Variants in ETAA1 observed in about 807,000 individuals in gnomAD.
ETAA1 encodes ewing's tumor-associated antigen 1.
ETAA1 carries 49 observed loss-of-function variants against 76.8 expected under a neutral mutation model. The observed-to-expected ratio is 0.64, with a 90% confidence interval of 0.51 to 0.81. The LOEUF (loss-of-function observed/expected upper bound fraction) is 0.81, where lower values mean the gene tolerates loss of function less well. ETAA1 is among the 30% of genes least tolerant of loss of function. ETAA1 has a pLI of 0.00. For missense variants in ETAA1, 1,099 were observed against 1,074.0 expected, an observed-to-expected ratio of 1.02 and a Z score of -0.32; for synonymous variants, 373 against 372.2, an observed-to-expected ratio of 1.00 and a Z score of -0.03.
chr2:67,411,743 C>G lies in ETAA1; in HGVS notation c.*1705C>G, dbSNP rs1400789202. ...TCTACAGTGGAGTACTGGAGTTTAGCTAACCTATATTATTTTTCCAGGAAT... is the reference window on the plus strand; with the variant it reads ...TCTACAGTGGAGTACTGGAGTTTAGGTAACCTATATTATTTTTCCAGGAAT... On this transcript the variant is annotated 3_prime_UTR_variant, in exon 6 of 6. Coordinates refer to ENST00000272342, the MANE Select transcript of ETAA1 (RefSeq NM_019002.4). The G allele has an allele frequency of 3.9e-5, 6 of 152,012 alleles. No individual in the cohort carries two copies. The highest frequency in any genetic ancestry group is 8.8e-5 in the Non-Finnish European group (6 of 67,964). The allele number at this position is 152,012 out of a possible 1,614,324, so 9.4% of individuals were successfully genotyped here.
rs747673578 is a variant in ETAA1, at chr2:67,404,543, A to C, written c.1861A>C (p.Thr621Pro). ...YQACDDIERLTQQQDIRKDSK... is the reference protein window; with the variant it reads ...YQACDDIERLPQQQDIRKDSK... The stretch of plus-strand genomic sequence containing the variant: ...AGCATGTGATGATATTGAAAGACTA[A>C]CTCAGCAACAAGACATTAGAAAGGA... The change falls in exon 5 of 6, where the codon ACT (threonine) becomes CCT (proline). Residue 621 changes from threonine (T) to proline (P), a missense_variant. Coordinates refer to ENST00000272342, the MANE Select transcript of ETAA1 (RefSeq NM_019002.4). The C allele has an allele frequency of 6.2e-7, 1 of 1,613,488 alleles. No individual in the cohort carries two copies. Among genetic ancestry groups the C allele is most frequent in the Non-Finnish European group, 8.5e-7 (1 of 1,179,576 alleles).
At chr2:67,402,484 A>G (rs1170652136) in intron 3 of ETAA1, 1 of 152,110 alleles carries the variant, frequency 6.6e-6, no homozygotes, top group African/African-American at 2.4e-5. Context: ...TCTGCCACAC[A>G]GTTTCTGACA....
rs368881748 is a variant in ETAA1, at chr2:67,403,873, C to T, written c.1191C>T (p.Ile397=). The T allele has an allele frequency of 3.1e-6, 5 of 1,612,920 alleles. No individual in the cohort carries two copies. The highest frequency in any genetic ancestry group is 1.3e-5 in the African/African-American group (1 of 74,866). The change falls in exon 5 of 6, where the codon ATC becomes ATT. Residue 397 remains isoleucine, a synonymous_variant. Transcript: ENST00000272342. ...GTGAACCTTTTGCTATGCAAAATAT[C>T]GACATGCCTGAACTCTTTCCTTCTA... ...LGSEPFAMQN[I]DMPELFPSKT... is the part of the protein sequence containing the mutation.
In ETAA1 at chr2:67,404,402, G is replaced by T. The variant is rs1676144352; in HGVS notation, c.1720G>T (p.Gly574Cys). 1 of 1,613,226 alleles carries T rather than the reference G, an allele frequency of 6.2e-7. No homozygotes were observed. ...AAATCAGACTAGTGCATCAAAAGTA[G>T]GTTCTTTCTTTGATGATTGGAATGA... is the stretch of plus-strand genomic sequence containing the variant. ...NPNQTSASKVGSFFDDWNDPS... is the reference protein window; with the variant it reads ...NPNQTSASKVCSFFDDWNDPS... Residue 574 changes from glycine to cysteine, a missense_variant, in exon 5 of 6, where the codon GGT becomes TGT. Physicochemically the swap from Gly to Cys is radical, Grantham distance 159. Coordinates refer to ENST00000272342, the MANE Select transcript of ETAA1 (RefSeq NM_019002.4).
At position 67,410,129 on chromosome 2, in the gene ETAA1, G is replaced by C; in HGVS notation, c.*91G>C. On this transcript the variant is annotated 3_prime_UTR_variant, in exon 6 of 6. Transcript: ENST00000272342. ...TTTTCTTGATTTCTCTGTGAGAAATGTAATGCTGACTTTTATAAAGCCTGG... is the reference window on the plus strand; with the variant it reads ...TTTTCTTGATTTCTCTGTGAGAAATCTAATGCTGACTTTTATAAAGCCTGG... The C allele has an allele frequency of 1.4e-5, 16 of 1,175,180 alleles. No individual in the cohort carries two copies. The highest frequency in any genetic ancestry group is 1.9e-5 in the Non-Finnish European group (16 of 821,844). 72.8% of individuals were successfully genotyped at this position (1,175,180 alleles called of 1,614,324 possible).
In ETAA1 at chr2:67,397,334, C is replaced by G. The variant is rs758254085; in HGVS notation, c.-115C>G. ...GCGGCCGCCTCTTGCGCGCGCCCCA[C>G]CGACCAAAATGGCGGCTGCCGTTGG... On this transcript the variant is annotated 5_prime_UTR_variant, in exon 1 of 6. Coordinates refer to ENST00000272342, the MANE Select transcript of ETAA1 (RefSeq NM_019002.4). The G allele has an allele frequency of 1.7e-6, 2 of 1,167,330 alleles. No homozygotes were observed. Among genetic ancestry groups the G allele is most frequent in the Non-Finnish European group, 2.5e-6 (2 of 799,990 alleles). The allele number at this position is 1,167,330 out of a possible 1,614,324, so 72.3% of individuals were successfully genotyped here. A position where few individuals can be genotyped will look rare whatever the true frequency, so the allele number is the denominator to read the frequency against.
chr2:67,410,151 C>T lies in ETAA1; in HGVS notation c.*113C>T. 1 of 929,458 alleles carries T rather than the reference C, an allele frequency of 1.1e-6. No homozygotes were observed. The highest frequency in any genetic ancestry group is 1.7e-6 in the Non-Finnish European group (1 of 602,114). The allele number at this position is 929,458 out of a possible 1,614,324, so 57.6% of individuals were successfully genotyped here. ...AATGTAATGCTGACTTTTATAAAGC[C>T]TGGACTTCTACTTTATTTAATAAAT... On this transcript the variant is annotated 3_prime_UTR_variant, in exon 6 of 6. Coordinates refer to ENST00000272342, the MANE Select transcript of ETAA1 (RefSeq NM_019002.4).
Position 67,397,514 on chromosome 2 carries a change from G to A in ETAA1, c.66G>A (p.Ala22=). 1 of 1,599,428 alleles carries A rather than the reference G, an allele frequency of 6.3e-7. No homozygotes were observed. Among genetic ancestry groups the A allele is most frequent in the South Asian group, 1.1e-5 (1 of 89,008 alleles). ...AGAAAACGCCGCACAAAACAGTGGC[G>A]GCGGAGGAATGCGGCTCGGTGGTCG... ...SPKKTPHKTV[A]AEECGSVVEP... The change falls in exon 1 of 6, where the codon GCG becomes GCA. Residue 22 remains alanine (A), a synonymous_variant. Transcript: ENST00000272342.
At position 67,404,544 on chromosome 2, in the gene ETAA1, C is replaced by T; in HGVS notation, c.1862C>T (p.Thr621Ile). Residue 621 changes from threonine (T) to isoleucine (I), a missense_variant, in exon 5 of 6, where the codon ACT becomes ATT. This residue lies in a region of ETAA1 where 761 missense variants were observed against 731.9 expected (regional missense o/e 1.04). Transcript: ENST00000272342. ...GCATGTGATGATATTGAAAGACTAA[C>T]TCAGCAACAAGACATTAGAAAGGAC... Reference protein sequence around the residue: ...YQACDDIERLTQQQDIRKDSK... With the variant: ...YQACDDIERLIQQQDIRKDSK... 6.2e-7 allele frequency: 1 copy of T among 1,613,406 alleles called. No individual in the cohort carries two copies. Among genetic ancestry groups the T allele is most frequent in the Non-Finnish European group, 8.5e-7 (1 of 1,179,562 alleles).
chr2:67,403,507 C>G lies in ETAA1; in HGVS notation c.825C>G (p.Asp275Glu). Residue 275 changes from aspartate (D) to glutamate (E), a missense_variant, in exon 5 of 6, where the codon GAC (aspartate) becomes GAG (glutamate). Physicochemically the swap from Asp to Glu is conservative, Grantham distance 45 (BLOSUM62 2). This residue lies in a region of ETAA1 where 761 missense variants were observed against 731.9 expected (regional missense o/e 1.04). Transcript: ENST00000272342. ...NNQNSSQKPF[D>E]QIAEAAFNAI... ...AAAATAGCAGTCAGAAGCCATTTGA[C>G]CAAATTGCTGAAGCAGCCTTTAATG... The G allele has an allele frequency of 6.2e-7, 1 of 1,613,498 alleles. No individual in the cohort carries two copies. Among genetic ancestry groups the G allele is most frequent in the Non-Finnish European group, 8.5e-7 (1 of 1,179,506 alleles).
At position 67,404,245 on chromosome 2, in the gene ETAA1, G is replaced by T. The variant is rs1462278984; in HGVS notation, c.1563G>T (p.Lys521Asn). 1.9e-6 allele frequency: 3 copies of T among 1,612,374 alleles called. No homozygotes were observed. Among genetic ancestry groups the T allele is most frequent in the Non-Finnish European group, 2.5e-6 (3 of 1,179,200 alleles). Residue 521 changes from lysine (K) to asparagine (N), a missense_variant, in exon 5 of 6, where the codon AAG (lysine) becomes AAT (asparagine). By Grantham distance (94) the Lys-to-Asn change is moderately conservative (BLOSUM62 0). Coordinates refer to ENST00000272342, the MANE Select transcript of ETAA1 (RefSeq NM_019002.4). ...ACTCTACTGAAGCTTCTGAAAGGAA[G>T]TCAGCTTTGAACACAAGGTATTCTA... ...LTNSTEASER[K>N]SALNTRYSNE...
chr2:67,402,787 T>C, intron 3 of ETAA1, 75 bp from the exon 4 acceptor site: 1 of 972,670 alleles, frequency 1.0e-6, no homozygotes, highest in Non-Finnish European at 1.5e-6. Flanking sequence ...GTCTTTTTTC[T>C]TTCTTTTGTT....
At position 67,402,061 on chromosome 2, in the gene ETAA1, T is replaced by G. The variant is rs186308468; in HGVS notation, c.430-801T>G. On this transcript the variant is annotated intron_variant, in intron 3 of 5. Transcript: ENST00000272342. ...TATTTTTTAAATTGTGTGATATTTA[T>G]GTTCATTCTAGGTACTATAAAATAG... is the stretch of plus-strand genomic sequence containing the variant. The G allele has an allele frequency of 8.6e-5, 13 of 151,994 alleles. No homozygotes were observed. The East Asian group carries it at 2.1e-3, about 25-fold the overall frequency. 9.4% of individuals were successfully genotyped at this position (151,994 alleles called of 1,614,324 possible). A position where few individuals can be genotyped will look rare whatever the true frequency, so the allele number is the denominator to read the frequency against.
intron 2 of ETAA1, 24 bp downstream of exon 2, chr2:67,399,321 A>G: frequency 6.4e-7 from 1 of 1,574,314 alleles, no homozygotes; most frequent in Non-Finnish European, 8.7e-7. Context: ...AACATTTTTT[A>G]TGTGAGTAAA....
Position 67,409,954 on chromosome 2 carries a change from G to A in ETAA1, c.2697G>A (p.Gln899=), listed in dbSNP as rs1181745838. ...KNRKCSPEEI[Q]RKRQEALVRR... ...GAAAGTGTTCTCCTGAAGAAATTCAGAGAAAAAGACAAGAAGCACTGGTTC... is the reference window on the plus strand; with the variant it reads ...GAAAGTGTTCTCCTGAAGAAATTCAAAGAAAAAGACAAGAAGCACTGGTTC... The change falls in exon 6 of 6, where the codon CAG becomes CAA. Residue 899 remains glutamine, a synonymous_variant. Coordinates refer to ENST00000272342, the MANE Select transcript of ETAA1 (RefSeq NM_019002.4). The A allele has an allele frequency of 8.1e-6, 13 of 1,607,530 alleles. No homozygotes were observed. The highest frequency in any genetic ancestry group is 1.1e-5 in the Non-Finnish European group (13 of 1,177,658).
intron 5 of ETAA1, among the ~76,000 whole-genome samples, chr2:67,405,543 T>G (rs1170610391): frequency 6.6e-6 from 1 of 152,030 alleles, no homozygotes; most frequent in Non-Finnish European, 1.5e-5. Context: ...TTCAAAATAT[T>G]ACATTGAATT....
chr2:67,406,339 T>C (rs996134002), intron 5 of ETAA1, among the ~76,000 whole-genome samples: 5 of 152,162 alleles, frequency 3.3e-5, no homozygotes, highest in Non-Finnish European at 7.4e-5. Context: ...CCCACTCTTT[T>C]GTTGGTGCTT....
Position 67,404,751 on chromosome 2 carries a change from T to A in ETAA1, c.2069T>A (p.Val690Glu). Residue 690 changes from valine (V) to glutamate (E), a missense_variant, in exon 5 of 6, where the codon GTA becomes GAA. Around this residue, in one of 3 missense-constraint regions of ETAA1, gnomAD observed 302 missense variants for 278.1 expected, o/e 1.09. Transcript: ENST00000272342. ...ATATCTAAACAAGGAAGTAATTTGGTACAATCAAAGCATTTGAATCCAGGC... is the reference window on the plus strand; with the variant it reads ...ATATCTAAACAAGGAAGTAATTTGGAACAATCAAAGCATTTGAATCCAGGC... ...FAISKQGSNL[V>E]QSKHLNPGSI... The A allele has an allele frequency of 6.2e-7, 1 of 1,613,440 alleles. No individual in the cohort carries two copies. The highest frequency in any genetic ancestry group is 1.1e-5 in the South Asian group (1 of 91,068).
intron 3 of ETAA1, among the ~76,000 whole-genome samples, chr2:67,399,887 T>C (rs1676004583): frequency 6.7e-6 from 1 of 148,378 alleles, no homozygotes; most frequent in Non-Finnish European, 1.5e-5. Context: ...GCATTGTGTT[T>C]ATCTGTAATG....
Sources: allele counts gnomAD v4.1 joint callset (sites outside exome capture counted in the v4.1 genomes callset), GRCh38; gene constraint gnomAD v4.1.1; regional missense constraint gnomAD v4.1.1; transcripts MANE v1.5; gene names NCBI Gene and HGNC (gene_info 2026-07-23, HGNC 2026-07-21).